MGMT: variants seen among roughly 807,000 people sequenced by gnomAD.
The protein encoded by MGMT is O-6-methylguanine-DNA methyltransferase, also known as methylated-DNA--protein-cysteine methyltransferase.
A neutral mutation model predicts 15.9 loss-of-function variants in MGMT; 14 were observed. The observed-to-expected ratio is 0.88, with a 90% CI of 0.58 to 1.37. MGMT has a LOEUF of 1.37. MGMT is among the 40% of genes most tolerant of loss of function. The probability of loss-of-function intolerance (pLI) is 0.00; values close to 1 mark genes in which losing one functional copy is unlikely to be tolerated. For missense variants in MGMT, 282 were observed against 268.1 expected (o/e 1.05, Z -0.36); for synonymous variants, 130 against 118.2 (o/e 1.10, Z -0.65).
At chr10:129,536,060 G>A (rs1845980119) in intron 1 of MGMT, among the ~76,000 whole-genome samples, 181 bp from the exon 2 acceptor site, 1 of 152,202 alleles carries the variant, frequency 6.6e-6, no homozygotes, top group South Asian at 2.1e-4. Context: ...CTAGGTAATG[G>A]TGGTAATTTT....
chr10:129,602,720 T>G (rs911742580), intron 2 of MGMT, among the ~76,000 whole-genome samples: 1 of 152,114 alleles, frequency 6.6e-6, no homozygotes, highest in Non-Finnish European at 1.5e-5. Flanking sequence ...CGGCATTACC[T>G]GGGGGCTGCC....
At chr10:129,611,043 T>C (rs1846953753) in intron 2 of MGMT, among the ~76,000 whole-genome samples, 1 of 152,210 alleles carries the variant, frequency 6.6e-6, no homozygotes, top group African/African-American at 2.4e-5. Context: ...TTTATGTATG[T>C]TCTATTTTGC....
chr10:129,499,530 T>C (rs1017120873), intron 1 of MGMT, among the ~76,000 whole-genome samples: 13 of 152,378 alleles, frequency 8.5e-5, no homozygotes, highest in African/African-American at 3.1e-4. Flanking sequence ...TTTAGAGATT[T>C]TTCTTTTTCT....
At chr10:129,692,842 C>T (rs1465101445) in intron 2 of MGMT, among the ~76,000 whole-genome samples, 1 of 152,190 alleles carries the variant, frequency 6.6e-6, no homozygotes, top group African/African-American at 2.4e-5. Context: ...TCCATGCAAG[C>T]CTGCCTGGAG....
At chr10:129,664,824 A>G (rs1356049166) in intron 2 of MGMT, among the ~76,000 whole-genome samples, 1 of 152,216 alleles carries the variant, frequency 6.6e-6, no homozygotes, top group Non-Finnish European at 1.5e-5. Context: ...ATGCATATAA[A>G]TGGAAGATAA....
At chr10:129,554,963 A>G (rs969921540) in intron 2 of MGMT, among the ~76,000 whole-genome samples, 1 of 152,182 alleles carries the variant, frequency 6.6e-6, no homozygotes, top group Middle Eastern at 3.2e-3. Flanking sequence ...GGTATCACAC[A>G]TGGGGACTAT....
chr10:129,508,798 C>T (rs1200955150), intron 1 of MGMT, among the ~76,000 whole-genome samples: 3 of 152,032 alleles, frequency 2.0e-5, no homozygotes, highest in Non-Finnish European at 2.9e-5. Flanking sequence ...CCACCCGTCT[C>T]GGCCTCCCAA....
At chr10:129,712,617 C>T (rs995711455) in intron 3 of MGMT, among the ~76,000 whole-genome samples, 6 of 152,152 alleles carry the variant, frequency 3.9e-5, no homozygotes, top group Admixed American at 2.6e-4. Flanking sequence ...GTTAAGGTTC[C>T]CACCGTGTCC....
intron 2 of MGMT, among the ~76,000 whole-genome samples, chr10:129,581,321 T>C (rs962790417): frequency 7.2e-5 from 11 of 152,076 alleles, no homozygotes; most frequent in African/African-American, 2.7e-4. Context: ...AGCCACCATT[T>C]AATTGGGGAG....
intron 2 of MGMT, among the ~76,000 whole-genome samples, chr10:129,655,212 G>C (rs1345190253): frequency 3.3e-5 from 5 of 152,242 alleles, no homozygotes; most frequent in Non-Finnish European, 7.3e-5. Flanking sequence ...GGCCTGGGCA[G>C]ATGCAGGGCT....
In MGMT at chr10:129,668,011, A is replaced by G. The variant is rs142672519; in HGVS notation, c.126-39884A>G. On this transcript the variant is annotated intron_variant, in intron 2 of 4. Transcript: ENST00000651593. ...TTTGCTGGCCATATATGTTGAAAGT[A>G]TCTCCACTCTTTGGCTTGCCTTTCA... Among the ~76,000 whole-genome samples, 5 of 152,340 alleles carry G rather than the reference A, an allele frequency of 3.3e-5. No individual in the cohort carries two copies. In the East Asian group the frequency reaches 9.6e-4, roughly 29 times the overall value.
At chr10:129,526,120 G>A (rs1194286887) in intron 1 of MGMT, among the ~76,000 whole-genome samples, 1 of 152,216 alleles carries the variant, frequency 6.6e-6, no homozygotes, top group Non-Finnish European at 1.5e-5. Flanking sequence ...ACCACGGGTG[G>A]GGTCTCAGCC....
At chr10:129,692,753 G>T (rs1847984063) in intron 2 of MGMT, among the ~76,000 whole-genome samples, 1 of 152,154 alleles carries the variant, frequency 6.6e-6, no homozygotes, top group African/African-American at 2.4e-5. Flanking sequence ...GCATTCTGAG[G>T]GTCAAACTGG....
At chr10:129,558,070 A>C (rs1238135788) in intron 2 of MGMT, among the ~76,000 whole-genome samples, 1 of 152,124 alleles carries the variant, frequency 6.6e-6, no homozygotes, top group East Asian at 1.9e-4. Context: ...ACACCACATC[A>C]TCCCACGTGT....
intron 2 of MGMT, among the ~76,000 whole-genome samples, chr10:129,675,132 G>GC (rs929730569): frequency 2.9e-4 from 44 of 152,326 alleles, no homozygotes; most frequent in African/African-American, 1.1e-3. Flanking sequence ...TGCTTGCCGT[G>GC]CAAAGCAGCA....
intron 2 of MGMT, among the ~76,000 whole-genome samples, chr10:129,704,803 T>A (rs1177059593): frequency 6.6e-6 from 1 of 151,434 alleles, no homozygotes; most frequent in Non-Finnish European, 1.5e-5. Flanking sequence ...GACCCGAGGA[T>A]CTCGGCAGAG....
At chr10:129,535,800 A>G (rs1442808841) in intron 1 of MGMT, among the ~76,000 whole-genome samples, 1 of 152,248 alleles carries the variant, frequency 6.6e-6, no homozygotes, top group Non-Finnish European at 1.5e-5. Flanking sequence ...AAGTCATTGC[A>G]TACATGCTTC....
chr10:129,768,407 T>TG lies in MGMT; in HGVS notation c.*1410_*1411insG, dbSNP rs1032149213. Among the ~76,000 whole-genome samples the TG allele has an allele frequency of 2.6e-5, 4 of 152,246 alleles. No homozygotes were observed. The highest frequency in any genetic ancestry group is 5.9e-5 in the Non-Finnish European group (4 of 68,042). ...AGCGGGTCACGTAGACACGTGCTGT[T>TG]TTGTGGGACAGGCCCTGGGCCTCCT... On this transcript the variant is annotated 3_prime_UTR_variant, in exon 5 of 5. Coordinates refer to ENST00000651593, the MANE Select transcript of MGMT (RefSeq NM_002412.5).
At chr10:129,765,912 G>A (rs79622432) in intron 4 of MGMT, among the ~76,000 whole-genome samples, 29 of 152,296 alleles carry the variant, frequency 1.9e-4, no homozygotes, top group African/African-American at 6.7e-4. Context: ...CAGAGCTTCA[G>A]CCAGACAGTG....
Sources: gnomAD v4.1 joint callset for allele counts (sites outside exome capture counted in the v4.1 genomes callset) on GRCh38, gnomAD v4.1.1 for gene constraint, MANE v1.5 for transcripts, NCBI Gene and HGNC (gene_info 2026-07-23, HGNC 2026-07-21) for gene names.